NAA11: variants seen among roughly 807,000 people sequenced by gnomAD.
NAA11 encodes N-alpha-acetyltransferase 11.
In NAA11, 15 loss-of-function variants were observed where a neutral mutation model predicts 16.1. The observed-to-expected ratio is 0.93, with a 90% CI of 0.62 to 1.44. The LOEUF is 1.44. NAA11 is among the 40% of genes most tolerant of loss of function. NAA11 has a pLI of 0.00. For missense variants in NAA11, 298 were observed against 291.3 expected, an observed-to-expected ratio of 1.02 and a Z score of -0.17; for synonymous variants, 122 against 112.4, an observed-to-expected ratio of 1.09 and a Z score of -0.54.
chr4:79,194,478 G>T, the NAA11 span, among the ~76,000 whole-genome samples: 1 of 152,162 alleles, frequency 6.6e-6, no homozygotes, highest in Middle Eastern at 3.4e-3. Context: ...ATAATGGGAA[G>T]TGTAACAGTG....
chr4:79,251,166 G>A (rs557034943), intron 2 of NAA11, among the ~76,000 whole-genome samples: 166 of 152,206 alleles, frequency 1.1e-3, no homozygotes, highest in African/African-American at 3.9e-3. Flanking sequence ...CCAAAAAGAC[G>A]CATGTACCCT....
chr4:79,325,028 C>T (rs560261062), intron 1 of NAA11, 148 bp downstream of exon 1: 22 of 652,402 alleles, frequency 3.4e-5, no homozygotes, highest in Non-Finnish European at 4.7e-5. Context: ...CCTCAACTCA[C>T]TCTAACTTCT....
downstream of NAA11, among the ~76,000 whole-genome samples, chr4:79,315,748 A>G (rs1723909499): frequency 6.6e-6 from 1 of 152,124 alleles, no homozygotes; most frequent in African/African-American, 2.4e-5. Flanking sequence ...ATGGTGCCAC[A>G]GACTCTCACA....
the NAA11 span, among the ~76,000 whole-genome samples, chr4:79,188,314 G>A: frequency 2.0e-5 from 3 of 151,962 alleles, no homozygotes; most frequent in Non-Finnish European, 4.4e-5. Context: ...GGCCGGGCGC[G>A]GTGGCTCACG....
downstream of NAA11, among the ~76,000 whole-genome samples, chr4:79,223,646 T>TAA (rs11348185): frequency 3.5e-3 from 513 of 145,762 alleles, 2 homozygotes; most frequent in African/African-American, 0.011. Context: ...AAAGTATAAT[T>TAA]AAAAAAAAAA....
At chr4:79,249,001 A>C (rs868380360) in intron 2 of NAA11, among the ~76,000 whole-genome samples, 1 of 151,186 alleles carries the variant, frequency 6.6e-6, no homozygotes, top group South Asian at 2.1e-4. Context: ...GCCCCCCCCC[A>C]GTGCAGCAGG....
chr4:79,208,633 C>G, the NAA11 span, among the ~76,000 whole-genome samples: 1 of 151,892 alleles, frequency 6.6e-6, no homozygotes, highest in East Asian at 1.9e-4. Context: ...TTTCCAAACT[C>G]AGTTTTGTTC....
At chr4:79,205,961 T>G in the NAA11 span, among the ~76,000 whole-genome samples, 1 of 151,768 alleles carries the variant, frequency 6.6e-6, no homozygotes, top group Non-Finnish European at 1.5e-5. Context: ...TCTGTTGCAT[T>G]GGTCTATGTG....
chr4:79,188,739 G>T, the NAA11 span, among the ~76,000 whole-genome samples: 1 of 152,118 alleles, frequency 6.6e-6, no homozygotes, highest in Non-Finnish European at 1.5e-5. Flanking sequence ...TTACATAGTA[G>T]ATTGAGAAAT....
chr4:79,210,408 T>C, the NAA11 span, among the ~76,000 whole-genome samples: 1 of 152,174 alleles, frequency 6.6e-6, no homozygotes. Flanking sequence ...TAGCTGTTTT[T>C]TCTTCCTTTG....
At chr4:79,212,723 A>G in the NAA11 span, among the ~76,000 whole-genome samples, 1 of 151,826 alleles carries the variant, frequency 6.6e-6, no homozygotes, top group Non-Finnish European at 1.5e-5. Flanking sequence ...TCATTGTTCT[A>G]TTTTATTATT....
chr4:79,206,761 G>A, the NAA11 span, among the ~76,000 whole-genome samples: 5 of 152,134 alleles, frequency 3.3e-5, no homozygotes, highest in African/African-American at 1.2e-4. Context: ...TAAGGTAGAT[G>A]CGTCAAGTTA....
chr4:79,315,682 TAAAA>T (rs879768022), downstream of NAA11, among the ~76,000 whole-genome samples: 1 of 143,070 alleles, frequency 7.0e-6, no homozygotes, highest in Non-Finnish European at 1.5e-5. Context: ...CCTTCAGAAT[TAAAA>T]AAAAAAAAAT....
the NAA11 span, among the ~76,000 whole-genome samples, chr4:79,166,194 T>TG: frequency 6.6e-6 from 1 of 152,146 alleles, no homozygotes; most frequent in Non-Finnish European, 1.5e-5. Flanking sequence ...CATCTTAACT[T>TG]AAAATTGTAG....
At chr4:79,164,847 C>T in the NAA11 span, among the ~76,000 whole-genome samples, 41 of 152,266 alleles carry the variant, frequency 2.7e-4, no homozygotes, top group Admixed American at 3.9e-4. Flanking sequence ...AATGGCATCT[C>T]GTACCCAGGC....
chr4:79,272,486 A>G lies in NAA11; in HGVS notation c.*122+21519T>C, dbSNP rs137991118. ...GCTTGTTTTATGGGCAAAACTATATAGTAAACTCTTCATTGACAATGGAAT... is the reference window on the plus strand; with the variant it reads ...GCTTGTTTTATGGGCAAAACTATATGGTAAACTCTTCATTGACAATGGAAT... On this transcript the variant is annotated intron_variant and NMD_transcript_variant, in intron 2 of 2. Transcript: ENST00000511542. Among the ~76,000 whole-genome samples, 4 of 152,218 alleles carry G rather than the reference A, an allele frequency of 2.6e-5. No individual in the cohort carries two copies. In the East Asian group the frequency reaches 7.7e-4, roughly 29 times the overall value.
the NAA11 span, among the ~76,000 whole-genome samples, chr4:79,196,979 A>AAAAAAAAAAAAAAAG: frequency 1.6e-4 from 20 of 125,540 alleles, no homozygotes; most frequent in African/African-American, 3.0e-4. Flanking sequence ...AAAAAAAAAA[A>AAAAAAAAAAAAAAAG]AAAGAAAGAA....
the NAA11 span, among the ~76,000 whole-genome samples, chr4:79,189,035 A>C: frequency 6.6e-6 from 1 of 150,872 alleles, no homozygotes; most frequent in Non-Finnish European, 1.5e-5. Flanking sequence ...AGTCCCAGCT[A>C]CTCGGGAGGC....
At chr4:79,219,852 A>G in the NAA11 span, among the ~76,000 whole-genome samples, 1 of 152,232 alleles carries the variant, frequency 6.6e-6, no homozygotes, top group Non-Finnish European at 1.5e-5. Context: ...TAAGCATAAT[A>G]GTAGCAGCAA....
Sources: gnomAD v4.1 joint callset for allele counts (sites outside exome capture counted in the v4.1 genomes callset) on GRCh38, gnomAD v4.1.1 for gene constraint, MANE v1.5 for transcripts, NCBI Gene and HGNC (gene_info 2026-07-23, HGNC 2026-07-21) for gene names.